IQCH: variants seen among roughly 807,000 people sequenced by gnomAD.
The protein encoded by IQCH is IQ motif containing H.
In IQCH, 98 loss-of-function variants were observed where a neutral mutation model predicts 117.0. The ratio of observed to expected loss-of-function variants is 0.84; its 90% CI spans 0.71 to 0.99. The LOEUF is 0.99. IQCH is among the 50% of genes least tolerant of loss of function. The pLI, the probability that IQCH is intolerant of heterozygous loss-of-function variation, is 0.00. For synonymous variants in IQCH, 412 were observed against 448.2 expected, an observed-to-expected ratio of 0.92 and a Z score of 1.02; for missense variants, 1,102 against 1,243.8, an observed-to-expected ratio of 0.89 and a Z score of 1.72.
At position 67,413,200 on chromosome 15, in the gene IQCH, A is replaced by T. The variant is rs570678468; in HGVS notation, c.2098-3731A>T. ...TTAAAGTTGTGGCAATTATGTTTGAACTATGCAAAATGACAAAAACCAGAG... is the reference window on the plus strand; with the variant it reads ...TTAAAGTTGTGGCAATTATGTTTGATCTATGCAAAATGACAAAAACCAGAG... On this transcript the variant is annotated intron_variant, in intron 14 of 20. Coordinates refer to ENST00000335894, the MANE Select transcript of IQCH (RefSeq NM_001031715.3). This position sits in a 1 kb window ranked among gnomAD's most constrained non-coding sequence, Gnocchi z 5.0. Among the ~76,000 whole-genome samples the T allele has an allele frequency of 6.6e-6, 1 of 152,218 alleles. No homozygotes were observed. The highest frequency in any genetic ancestry group is 1.9e-4 in the East Asian group (1 of 5,182).
At position 67,466,758 on chromosome 15, in the gene IQCH, C is replaced by T. The variant is rs1259849680; in HGVS notation, c.2676+1461C>T. On this transcript the variant is annotated intron_variant, in intron 17 of 20. Coordinates refer to ENST00000335894, the MANE Select transcript of IQCH (RefSeq NM_001031715.3). This position sits in a 1 kb window ranked among gnomAD's most constrained non-coding sequence, Gnocchi z 4.4. The stretch of plus-strand genomic sequence containing the variant: ...GTTGAGCTGGAGAGGAGAAACAGAC[C>T]TCTTTTAATTATGACCCAGGACCTT... 6.6e-6 allele frequency: 1 copy of T among 152,230 alleles called. No individual in the cohort carries two copies. 9.4% of individuals were successfully genotyped at this position (152,230 alleles called of 1,614,324 possible). A position where few individuals can be genotyped will look rare whatever the true frequency, so the allele number is the denominator to read the frequency against.
At chr15:67,327,755 A>T (rs1416195920) in intron 4 of IQCH, among the ~76,000 whole-genome samples, 1 of 152,180 alleles carries the variant, frequency 6.6e-6, no homozygotes, top group Non-Finnish European at 1.5e-5. Context: ...AATCTTTAAC[A>T]GTTCCATCCT....
intron 16 of IQCH, among the ~76,000 whole-genome samples, chr15:67,440,649 T>A (rs1025831545): frequency 6.6e-6 from 1 of 152,156 alleles, no homozygotes; most frequent in Non-Finnish European, 1.5e-5. Flanking sequence ...AGAAAAAGCA[T>A]TCGACAAAAT....
Position 67,372,534 on chromosome 15 carries a change from C to T in IQCH, c.1177C>T (p.Arg393Cys), listed in dbSNP as rs1457859508. The stretch of plus-strand genomic sequence containing the variant: ...AGCAAGAAAATTCTTCCTCTTTTAT[C>T]GCCAGCAGAAGTGGGCATCAGGTGT... ...YKARKFFLFY[R>C]QQKWASGVIA... is the part of the protein sequence containing the mutation. Residue 393 changes from arginine to cysteine, a missense_variant, in exon 9 of 21, where the codon CGC (arginine) becomes TGC (cysteine). This residue lies in a region of IQCH where 650 missense variants were observed against 794.3 expected (regional missense o/e 0.82). Coordinates refer to ENST00000335894, the MANE Select transcript of IQCH (RefSeq NM_001031715.3). 11 of 1,613,940 alleles carry T rather than the reference C, an allele frequency of 6.8e-6. No homozygotes were observed. The highest frequency in any genetic ancestry group is 1.3e-5 in the African/African-American group (1 of 74,894).
intron 1 of IQCH, among the ~76,000 whole-genome samples, chr15:67,256,439 C>T (rs1358138373): frequency 6.6e-6 from 1 of 152,158 alleles, no homozygotes. Flanking sequence ...TCCCGCTGCT[C>T]CAGAGGTCTG....
In IQCH at chr15:67,400,212, T is replaced by G; in HGVS notation, c.2004T>G (p.Phe668Leu). 6.2e-7 allele frequency: 1 copy of G among 1,613,738 alleles called. No homozygotes were observed. The highest frequency in any genetic ancestry group is 8.5e-7 in the Non-Finnish European group (1 of 1,179,724). ...AGTTCCGAGGAAATGGGACTGCATT[T>G]TGTGATATTCCTTCCTACCTAAAGT... ...DSEFRGNGTA[F>L]CDIPSYLKCY... The change falls in exon 14 of 21, where the codon TTT becomes TTG. Residue 668 changes from phenylalanine to leucine, a missense_variant. By Grantham distance (22) the Phe-to-Leu change is conservative. This residue lies in a region of IQCH where 650 missense variants were observed against 794.3 expected (regional missense o/e 0.82). Transcript: ENST00000335894.
At chr15:67,289,678 A>G (rs1286740008) in intron 4 of IQCH, among the ~76,000 whole-genome samples, 1 of 152,136 alleles carries the variant, frequency 6.6e-6, no homozygotes, top group Non-Finnish European at 1.5e-5. Flanking sequence ...ATGTACCTAC[A>G]CGTAGTATGG....
chr15:67,259,334 T>C (rs1442682872), intron 1 of IQCH, among the ~76,000 whole-genome samples: 1 of 152,218 alleles, frequency 6.6e-6, no homozygotes, highest in Non-Finnish European at 1.5e-5. Flanking sequence ...AAAGCCTATA[T>C]TGATTCATTT....
rs900798796 is a variant in IQCH, at chr15:67,356,331, T to G, written c.638-1014T>G. Reference sequence around the variant, plus strand: ...AAACCAGAGGGTTGTAAAAATGGGTTGATCAAATGCAACAAAGAAATCCCT... The same window carrying G: ...AAACCAGAGGGTTGTAAAAATGGGTGGATCAAATGCAACAAAGAAATCCCT... On this transcript the variant is annotated intron_variant, in intron 6 of 20. Transcript: ENST00000335894. This position sits in a 1 kb window ranked among gnomAD's most constrained non-coding sequence, Gnocchi z 5.3. Among the ~76,000 whole-genome samples the G allele has an allele frequency of 3.3e-5, 5 of 152,206 alleles. No individual in the cohort carries two copies. Among genetic ancestry groups the G allele is most frequent in the African/African-American group, 1.2e-4 (5 of 41,446 alleles).
intron 8 of IQCH, among the ~76,000 whole-genome samples, chr15:67,367,925 C>T (rs1231409646): frequency 6.6e-6 from 1 of 152,106 alleles, no homozygotes; most frequent in Non-Finnish European, 1.5e-5. Flanking sequence ...GAAGATCTGC[C>T]AACTAGCTTT....
rs574127579 is a variant in IQCH, at chr15:67,411,079, T to G, written c.2098-5852T>G. 6.6e-6 allele frequency among the ~76,000 whole-genome samples: 1 copy of G among 152,262 alleles called. No homozygotes were observed. Among genetic ancestry groups the G allele is most frequent in the South Asian group, 2.1e-4 (1 of 4,826 alleles). Reference sequence around the variant, plus strand: ...GGTGAGCTTTTAATTATTAAAAGCTTTTAGGATTTTAATAAAGCCTAAAAA... The same window carrying G: ...GGTGAGCTTTTAATTATTAAAAGCTGTTAGGATTTTAATAAAGCCTAAAAA... On this transcript the variant is annotated intron_variant, in intron 14 of 20. Transcript: ENST00000335894. The surrounding 1 kb of genome is among the most constrained non-coding windows in gnomAD (Gnocchi z 4.4).
intron 5 of IQCH, among the ~76,000 whole-genome samples, chr15:67,340,525 G>T (rs1969123125): frequency 1.4e-5 from 2 of 147,400 alleles, no homozygotes; most frequent in Admixed American, 1.4e-4. Context: ...TCTAGGCAAG[G>T]CCTTGGTTGA....
chr15:67,375,552 A>G (rs962397577), intron 10 of IQCH, among the ~76,000 whole-genome samples: 1 of 152,216 alleles, frequency 6.6e-6, no homozygotes, highest in East Asian at 1.9e-4. Context: ...TTCAGTTTAA[A>G]TAAATACATA....
chr15:67,377,850 A>T (rs780709133), intron 10 of IQCH, among the ~76,000 whole-genome samples: 1 of 152,140 alleles, frequency 6.6e-6, no homozygotes, highest in Non-Finnish European at 1.5e-5. Flanking sequence ...AAAAGAATGT[A>T]TATAGTTCAG....
intron 4 of IQCH, among the ~76,000 whole-genome samples, chr15:67,330,023 C>T (rs1356593072): frequency 6.6e-6 from 1 of 152,074 alleles, no homozygotes; most frequent in African/African-American, 2.4e-5. Flanking sequence ...TACACACTTT[C>T]CATCTGACTG....
At chr15:67,344,016 G>A in intron 5 of IQCH, 47 bp from the exon 6 acceptor site, 1 of 1,552,028 alleles carries the variant, frequency 6.4e-7, no homozygotes, top group Non-Finnish European at 8.8e-7. Flanking sequence ...CAGACTTTGT[G>A]GAATTGCTTG....
At chr15:67,489,723 C>T (rs1187857974) in intron 18 of IQCH, among the ~76,000 whole-genome samples, 12 of 151,726 alleles carry the variant, frequency 7.9e-5, no homozygotes, top group Non-Finnish European at 4.4e-5. Context: ...CCTGCCAAGT[C>T]TTCTGAGCTT....
intron 10 of IQCH, among the ~76,000 whole-genome samples, chr15:67,379,100 G>A (rs1301151594): frequency 6.6e-6 from 1 of 152,150 alleles, no homozygotes; most frequent in Non-Finnish European, 1.5e-5. Flanking sequence ...AGTGAGAAGG[G>A]TAGGATTGTC....
At chr15:67,288,670 C>T (rs1012753150) in intron 4 of IQCH, among the ~76,000 whole-genome samples, 2 of 152,118 alleles carry the variant, frequency 1.3e-5, no homozygotes, top group South Asian at 4.2e-4. Context: ...GGCAACATAT[C>T]ATTGGGTCTT....
Sources: allele counts gnomAD v4.1 joint callset (sites outside exome capture counted in the v4.1 genomes callset), GRCh38; gene constraint gnomAD v4.1.1; regional missense constraint gnomAD v4.1.1; non-coding constraint Gnocchi (gnomAD v3.1); transcripts MANE v1.5; gene names NCBI Gene and HGNC (gene_info 2026-07-23, HGNC 2026-07-21).